Variants in HSPA12B observed in about 807,000 individuals in gnomAD.
HSPA12B encodes the protein heat shock protein family A (Hsp70) member 12B.
HSPA12B carries 54 observed loss-of-function variants against 69.3 expected under a neutral mutation model. The ratio of observed to expected loss-of-function variants is 0.78; its 90% CI spans 0.63 to 0.98. The LOEUF is 0.98. HSPA12B is among the 50% of genes least tolerant of loss of function. The pLI is 0.00. For missense variants in HSPA12B, 929 were observed against 999.8 expected, an observed-to-expected ratio of 0.93 and a Z score of 0.96; for synonymous variants, 441 against 436.5, an observed-to-expected ratio of 1.01 and a Z score of -0.13.
intron 2 of HSPA12B, 131 bp downstream of exon 2, chr20:3,738,848 G>A (rs949284396): frequency 4.0e-5 from 35 of 868,832 alleles, no homozygotes; most frequent in Non-Finnish European, 5.8e-5. Context: ...GTGAGTGTGT[G>A]TGTGTGTGTG....
intron 4 of HSPA12B, among the ~76,000 whole-genome samples, chr20:3,743,726 G>T (rs1027891549): frequency 8.0e-5 from 12 of 150,220 alleles, no homozygotes; most frequent in African/African-American, 2.2e-4. Context: ...TTTTAGGGGG[G>T]TTTTTTCCTC....
rs200056447 is a variant in HSPA12B at position 3,745,060 on chromosome 20, A to T, written c.425A>T (p.Lys142Met). 159 of 1,609,730 alleles carry T rather than the reference A, an allele frequency of 9.9e-5. No individual in the cohort carries two copies. Among genetic ancestry groups the T allele is most frequent in the Middle Eastern group, 8.3e-4 (5 of 6,046 alleles). Residue 142 changes from lysine to methionine, a missense_variant, in exon 5 of 13, where the codon AAG (lysine) becomes ATG (methionine). By Grantham distance (95) the Lys-to-Met change is moderately conservative (BLOSUM62 -1). Around this residue, in one of 3 missense-constraint regions of HSPA12B, gnomAD observed 477 missense variants for 535.2 expected, o/e 0.89. Transcript: ENST00000254963. The surrounding 1 kb of genome is among the most constrained non-coding windows in gnomAD (Gnocchi z 5.6). ...GCGCGGGACTGGCTCTACTTCGAGA[A>T]GTTCAAGATGAAGATCCACAGCGCC... ...EEARDWLYFE[K>M]FKMKIHSATD...
intron 4 of HSPA12B, among the ~76,000 whole-genome samples, chr20:3,743,354 A>T (rs1017609095): frequency 9.6e-5 from 2 of 20,858 alleles, no homozygotes; most frequent in African/African-American, 8.5e-4. Context: ...GGCTAATTTA[A>T]AAAAAAAAAA....
Position 3,741,057 on chromosome 20 carries a change from A to G in HSPA12B, c.141+145A>G, listed in dbSNP as rs565379025. 7.9e-6 allele frequency: 5 copies of G among 636,860 alleles called. No homozygotes were observed. In the East Asian group the frequency reaches 1.4e-4, roughly 18 times the overall value. 39.5% of individuals were successfully genotyped at this position (636,860 alleles called of 1,614,324 possible). A position where few individuals can be genotyped will look rare whatever the true frequency, so the allele number is the denominator to read the frequency against. ...CCTCTTGTCCCCGTACACTCCAGTC[A>G]TGTGCCCCCCAGAAGGATTGGCCTT... On this transcript the variant is annotated intron_variant, in intron 3 of 12. Coordinates refer to ENST00000254963, the MANE Select transcript of HSPA12B (RefSeq NM_052970.5).
intron 4 of HSPA12B, among the ~76,000 whole-genome samples, chr20:3,743,356 A>T (rs1329483960): frequency 2.2e-5 from 2 of 91,446 alleles, no homozygotes; most frequent in East Asian, 2.7e-4. Context: ...CTAATTTAAA[A>T]AAAAAAAAAA....
chr20:3,738,644 G>A lies in HSPA12B; in HGVS notation c.-17-14G>A. 1 of 1,613,118 alleles carries A rather than the reference G, an allele frequency of 6.2e-7. No homozygotes were observed. The highest frequency in any genetic ancestry group is 8.5e-7 in the Non-Finnish European group (1 of 1,179,086). ...CAAATAAATCCCACTCTGCTTGTCTGTTCCTGTTGACAGCTACAGGGCCTG... is the reference window on the plus strand; with the variant it reads ...CAAATAAATCCCACTCTGCTTGTCTATTCCTGTTGACAGCTACAGGGCCTG... On this transcript the variant is annotated splice_polypyrimidine_tract_variant and intron_variant, in intron 1 of 12. Coordinates refer to ENST00000254963, the MANE Select transcript of HSPA12B (RefSeq NM_052970.5).
chr20:3,742,133 G>T (rs1487374331), intron 3 of HSPA12B, 151 bp from the exon 4 acceptor site: 35 of 1,125,792 alleles, frequency 3.1e-5, no homozygotes, highest in Admixed American at 3.1e-4. Context: ...AGCCCGAGCA[G>T]GTGGGCAGGT....
In HSPA12B at chr20:3,748,341, G is replaced by C. The variant is rs753469088; in HGVS notation, c.800G>C (p.Gly267Ala). The change falls in exon 8 of 13, where the codon GGT becomes GCT. Residue 267 changes from glycine (G) to alanine (A), a missense_variant. Around this residue, in one of 3 missense-constraint regions of HSPA12B, gnomAD observed 477 missense variants for 535.2 expected, o/e 0.89. Transcript: ENST00000254963. ...CTGGACCTGAGTGGCCGGGCCCCAG[G>C]TGGTGGGCGCCTGGGTGAGCGCCGC... ...QLLDLSGRAP[G>A]GGRLGERRSI... 6.2e-7 allele frequency: 1 copy of C among 1,610,146 alleles called. No individual in the cohort carries two copies. The highest frequency in any genetic ancestry group is 1.3e-5 in the African/African-American group (1 of 74,794).
intron 4 of HSPA12B, among the ~76,000 whole-genome samples, chr20:3,743,159 T>C (rs2088235641): frequency 6.9e-6 from 1 of 145,774 alleles, no homozygotes; most frequent in African/African-American, 2.6e-5. Context: ...GTGCTAGGAT[T>C]ACAGATGTGA....
chr20:3,738,559 G>C, intron 1 of HSPA12B, 99 bp from the exon 2 acceptor site: 1 of 1,136,848 alleles, frequency 8.8e-7, no homozygotes, highest in Non-Finnish European at 1.3e-6. Flanking sequence ...TGCTTCAAAG[G>C]ACTCCAGCCA....
At position 3,752,034 on chromosome 20, in the gene HSPA12B, C is replaced by T. The variant is rs746981769; in HGVS notation, c.1929C>T (p.Thr643=). The change falls in exon 13 of 13, where the codon ACC becomes ACT. Residue 643 remains threonine (T), a synonymous_variant. Transcript: ENST00000254963. ...AGCCCGCCGACTGCGGCCAGGACAC[C>T]GCCGGCGCGCCTCCCGGCCGCCGCG... is the stretch of plus-strand genomic sequence containing the variant. ...ELEPADCGQD[T]AGAPPGRREI... is the part of the protein sequence containing the mutation. The T allele has an allele frequency of 3.9e-6, 6 of 1,552,114 alleles. No homozygotes were observed. Among genetic ancestry groups the T allele is most frequent in the Non-Finnish European group, 4.3e-6 (5 of 1,154,944 alleles).
chr20:3,744,902 G>C lies in HSPA12B; in HGVS notation c.267G>C (p.Arg89Ser), dbSNP rs1232117851. Residue 89 changes from arginine (R) to serine (S), a missense_variant and splice_region_variant, in exon 5 of 13, where the codon AGG becomes AGC. This residue lies in a region of HSPA12B where 477 missense variants were observed against 535.2 expected (regional missense o/e 0.89). Transcript: ENST00000254963. The surrounding 1 kb of genome is among the most constrained non-coding windows in gnomAD (Gnocchi z 4.9). ...ASDPEAIHMM[R>S]KWEGGDPGVA... ...CACTGACTGCCCTGTGCCTCCGCAGGAAATGGGAGGGCGGAGACCCGGGCG... is the reference window on the plus strand; with the variant it reads ...CACTGACTGCCCTGTGCCTCCGCAGCAAATGGGAGGGCGGAGACCCGGGCG... The C allele has an allele frequency of 6.2e-7, 1 of 1,612,094 alleles. No homozygotes were observed. Among genetic ancestry groups the C allele is most frequent in the Non-Finnish European group, 8.5e-7 (1 of 1,179,870 alleles).
Position 3,746,026 on chromosome 20 carries a change from T to C in HSPA12B, c.670T>C (p.Tyr224His). 6.2e-7 allele frequency: 1 copy of C among 1,613,272 alleles called. No homozygotes were observed. The highest frequency in any genetic ancestry group is 8.5e-7 in the Non-Finnish European group (1 of 1,179,352). ...CAAGCAGTTCATGCGGGAGGCTGCC[T>C]ACCTGGTGAGGACGTGCAGGCGGGC... ...PAKQFMREAAYLAGLVSRENA... is the reference protein window; with the variant it reads ...PAKQFMREAAHLAGLVSRENA... Residue 224 changes from tyrosine to histidine, a missense_variant, in exon 7 of 13, where the codon TAC becomes CAC. Physicochemically the swap from Tyr to His is moderately conservative, Grantham distance 83 (BLOSUM62 2). Transcript: ENST00000254963.
At chr20:3,735,157 G>A (rs1031704813) in intron 1 of HSPA12B, among the ~76,000 whole-genome samples, 29 of 152,170 alleles carry the variant, frequency 1.9e-4, no homozygotes, top group Non-Finnish European at 3.2e-4. Flanking sequence ...ATCATGAAGG[G>A]AAAGAACACT....
At position 3,745,666 on chromosome 20, in the gene HSPA12B, C is replaced by G; in HGVS notation, c.558+69C>G. 1.4e-6 allele frequency: 2 copies of G among 1,388,940 alleles called. No individual in the cohort carries two copies. Among genetic ancestry groups the G allele is most frequent in the Non-Finnish European group, 2.0e-6 (2 of 984,196 alleles). The allele number at this position is 1,388,940 out of a possible 1,614,324, so 86.0% of individuals were successfully genotyped here. A position where few individuals can be genotyped will look rare whatever the true frequency, so the allele number is the denominator to read the frequency against. On this transcript the variant is annotated intron_variant, in intron 6 of 12. Coordinates refer to ENST00000254963, the MANE Select transcript of HSPA12B (RefSeq NM_052970.5). The surrounding 1 kb of genome is among the most constrained non-coding windows in gnomAD (Gnocchi z 5.6). ...TATTTTCCCCTCATCCGAAACCGCT[C>G]CCCCATCCCGTCCCCGACATTGGAT...
chr20:3,745,151 G>C lies in HSPA12B; in HGVS notation c.453+63G>C. On this transcript the variant is annotated intron_variant, in intron 5 of 12. Coordinates refer to ENST00000254963, the MANE Select transcript of HSPA12B (RefSeq NM_052970.5). This position sits in a 1 kb window ranked among gnomAD's most constrained non-coding sequence, Gnocchi z 5.6. ...CATGGAAAAGGGCAGGGCTAATGGG[G>C]GTGGGTGGGACAAAACCAAAACGTG... 7.2e-7 allele frequency: 1 copy of C among 1,391,338 alleles called. No individual in the cohort carries two copies. The highest frequency in any genetic ancestry group is 1.0e-6 in the Non-Finnish European group (1 of 1,000,838). 86.2% of individuals were successfully genotyped at this position (1,391,338 alleles called of 1,614,324 possible).
At chr20:3,741,926 G>C (rs1863261136) in intron 3 of HSPA12B, among the ~76,000 whole-genome samples, 1 of 151,694 alleles carries the variant, frequency 6.6e-6, no homozygotes, top group Non-Finnish European at 1.5e-5. Flanking sequence ...CTGCCTGGAG[G>C]AGCAAAATTG....
At position 3,742,432 on chromosome 20, in the gene HSPA12B, G is replaced by A. The variant is rs2088218753; in HGVS notation, c.266+24G>A. Reference sequence around the variant, plus strand: ...AGGTGAGGTCGGCTGGGCTGAGAGAGTGAGGTGGGGAAGGTGGGGAGTTCC... The same window carrying A: ...AGGTGAGGTCGGCTGGGCTGAGAGAATGAGGTGGGGAAGGTGGGGAGTTCC... On this transcript the variant is annotated intron_variant, in intron 4 of 12. Coordinates refer to ENST00000254963, the MANE Select transcript of HSPA12B (RefSeq NM_052970.5). The A allele has an allele frequency of 3.8e-6, 6 of 1,575,436 alleles. No homozygotes were observed. In the African/African-American group the frequency reaches 6.7e-5, roughly 18 times the overall value.
Position 3,750,857 on chromosome 20 carries a change from C to A in HSPA12B, c.1355C>A (p.Ala452Asp). The A allele has an allele frequency of 6.2e-7, 1 of 1,614,002 alleles. No individual in the cohort carries two copies. Among genetic ancestry groups the A allele is most frequent in the Non-Finnish European group, 8.5e-7 (1 of 1,180,046 alleles). ...SQGMLRMSCEAMNELFQPTVS... is the reference protein window; with the variant it reads ...SQGMLRMSCEDMNELFQPTVS... ...GGGATGCTCCGAATGTCTTGTGAAG[C>A]CATGAACGAGCTCTTTCAGCCCACC... Residue 452 changes from alanine (A) to aspartate (D), a missense_variant, in exon 12 of 13, where the codon GCC becomes GAC. Physicochemically the swap from Ala to Asp is moderately radical, Grantham distance 126. Transcript: ENST00000254963.
Sources: gnomAD v4.1 joint callset for allele counts (sites outside exome capture counted in the v4.1 genomes callset) on GRCh38, gnomAD v4.1.1 for gene constraint, gnomAD v4.1.1 regional missense constraint, Gnocchi (gnomAD v3.1) non-coding constraint, MANE v1.5 for transcripts, NCBI Gene and HGNC (gene_info 2026-07-23, HGNC 2026-07-21) for gene names.